IL7R: variants seen among roughly 807,000 people sequenced by gnomAD.
The protein encoded by IL7R is interleukin-7 receptor subunit alpha.
A neutral mutation model predicts 47.0 loss-of-function variants in IL7R; 38 were observed. That is an observed-to-expected ratio of 0.81 (90% CI 0.62 to 1.06). IL7R has a LOEUF of 1.06. Among genes scored for constraint, IL7R ranks in the 50% least tolerant of loss-of-function variants. The pLI, the probability that IL7R is intolerant of heterozygous loss-of-function variation, is 0.00. For missense variants in IL7R, 633 were observed against 534.8 expected (o/e 1.18, Z -1.81); for synonymous variants, 221 against 199.8 (o/e 1.11, Z -0.89).
chr5:35,873,549 A>G lies in IL7R; in HGVS notation c.607A>G (p.Ile203Val). ...RKLQPAAMYE[I>V]KVRSIPDHYF... ...GCTCCAACCGGCAGCAATGTATGAG[A>G]TTAAAGTTCGATCCATCCCTGATCA... is the stretch of plus-strand genomic sequence containing the variant. The change falls in exon 5 of 8, where the codon ATT becomes GTT. Residue 203 changes from isoleucine to valine, a missense_variant. By Grantham distance (29) the Ile-to-Val change is conservative (BLOSUM62 3). Transcript: ENST00000303115. The G allele has an allele frequency of 1.2e-6, 2 of 1,614,026 alleles. No homozygotes were observed. Among genetic ancestry groups the G allele is most frequent in the Non-Finnish European group, 1.7e-6 (2 of 1,179,928 alleles).
rs554638841 is a variant in IL7R at position 35,861,593 on chromosome 5, A to G, written c.221+603A>G. On this transcript the variant is annotated intron_variant, in intron 2 of 7. Coordinates refer to ENST00000303115, the MANE Select transcript of IL7R (RefSeq NM_002185.5). ...TTCTGTGAATATTGACCTAACTTCTACCATCTTGACACAATTTGACTTCAG... is the reference window on the plus strand; with the variant it reads ...TTCTGTGAATATTGACCTAACTTCTGCCATCTTGACACAATTTGACTTCAG... Among the ~76,000 whole-genome samples, 3 of 152,272 alleles carry G rather than the reference A, an allele frequency of 2.0e-5. No individual in the cohort carries two copies. In the East Asian group the frequency reaches 5.8e-4, roughly 29 times the overall value.
At chr5:35,866,316 G>T (rs1383961293) in intron 2 of IL7R, among the ~76,000 whole-genome samples, 3 of 152,038 alleles carry the variant, frequency 2.0e-5, no homozygotes, top group African/African-American at 7.2e-5. Flanking sequence ...ATTTTCTTGT[G>T]AAAGTTTGCT....
At position 35,876,809 on chromosome 5, in the gene IL7R, A is replaced by G; in HGVS notation, c.*323A>G. 2.5e-6 allele frequency: 1 copy of G among 401,218 alleles called. No individual in the cohort carries two copies. The highest frequency in any genetic ancestry group is 4.5e-6 in the Non-Finnish European group (1 of 221,712). The allele number at this position is 401,218 out of a possible 1,614,324, so 24.9% of individuals were successfully genotyped here. A position where few individuals can be genotyped will look rare whatever the true frequency, so the allele number is the denominator to read the frequency against. On this transcript the variant is annotated 3_prime_UTR_variant, in exon 8 of 8. Coordinates refer to ENST00000303115, the MANE Select transcript of IL7R (RefSeq NM_002185.5). ...TGAGGAGTGAGGAAGGCAGGAAGAGAGCATGAGAGGAAAGAAAGAAAGGAA... is the reference window on the plus strand; with the variant it reads ...TGAGGAGTGAGGAAGGCAGGAAGAGGGCATGAGAGGAAAGAAAGAAAGGAA...
At chr5:35,865,017 T>C (rs1314908929) in intron 2 of IL7R, among the ~76,000 whole-genome samples, 1 of 152,136 alleles carries the variant, frequency 6.6e-6, no homozygotes. Flanking sequence ...ACGTGTAGGT[T>C]TGTTACATAT....
intron 2 of IL7R, 42 bp downstream of exon 2, chr5:35,861,032 T>A (rs1332520587): frequency 6.3e-7 from 1 of 1,594,512 alleles, no homozygotes; most frequent in African/African-American, 1.3e-5. Context: ...ACATCCTCTG[T>A]CTCTCTTTTC....
At chr5:35,869,322 A>T (rs1760014402) in intron 3 of IL7R, among the ~76,000 whole-genome samples, 1 of 152,192 alleles carries the variant, frequency 6.6e-6, no homozygotes, top group Admixed American at 6.5e-5. Context: ...ACAAGAATCT[A>T]TTCCCTCTGA....
rs772594719 is a variant in IL7R at position 35,877,914 on chromosome 5, A to G, written c.*1428A>G. ...GGCTGTTCACAGAACCACAAAGGGC[A>G]GATGCTGCACAGAAAACTAGAGAAG... On this transcript the variant is annotated 3_prime_UTR_variant, in exon 8 of 8. Transcript: ENST00000303115. 7 of 233,172 alleles carry G rather than the reference A, an allele frequency of 3.0e-5. No homozygotes were observed. Among genetic ancestry groups the G allele is most frequent in the Non-Finnish European group, 5.1e-5 (6 of 118,076 alleles). 14.4% of individuals were successfully genotyped at this position (233,172 alleles called of 1,614,324 possible).
At position 35,876,086 on chromosome 5, in the gene IL7R, C is replaced by T. The variant is rs536561203; in HGVS notation, c.980C>T (p.Thr327Met). The T allele has an allele frequency of 1.1e-5, 17 of 1,614,188 alleles. No homozygotes were observed. The highest frequency in any genetic ancestry group is 2.2e-5 in the South Asian group (2 of 91,082). Residue 327 changes from threonine to methionine, a missense_variant, in exon 8 of 8, where the codon ACG becomes ATG. Physicochemically the swap from Thr to Met is moderately conservative, Grantham distance 81. Transcript: ENST00000303115. The part of the protein sequence containing the change: ...RDEVEGFLQD[T>M]FPQQLEESEK... ...GAAGTGGAAGGTTTTCTGCAAGATA[C>T]GTTTCCTCAGCAACTAGAAGAATCT...
At chr5:35,858,476 T>G (rs1219164656) in intron 1 of IL7R, among the ~76,000 whole-genome samples, 1 of 152,214 alleles carries the variant, frequency 6.6e-6, no homozygotes, top group Admixed American at 6.5e-5. Context: ...GGCTTGCCTA[T>G]GATACATATT....
Position 35,871,439 on chromosome 5 carries a change from G to A in IL7R, c.537+226G>A, listed in dbSNP as rs11567774. On this transcript the variant is annotated intron_variant, in intron 4 of 7. Coordinates refer to ENST00000303115, the MANE Select transcript of IL7R (RefSeq NM_002185.5). ...CTGCTCTAATTTTGGTCTTCAGAAT[G>A]TTTCTACATTAGTGAGTTGGATAAC... Among the ~76,000 whole-genome samples, 447 of 152,214 alleles carry A rather than the reference G, an allele frequency of 2.9e-3. 2 individuals carry two copies. The highest frequency in any genetic ancestry group is 5.1e-3 in the Non-Finnish European group (345 of 68,014).
chr5:35,862,829 T>C (rs1759851915), intron 2 of IL7R, among the ~76,000 whole-genome samples: 1 of 152,152 alleles, frequency 6.6e-6, no homozygotes, highest in Non-Finnish European at 1.5e-5. Context: ...TACTCAAGAA[T>C]TGAACTAAAA....
chr5:35,861,050 C>A, intron 2 of IL7R, 60 bp downstream of exon 2: 1 of 1,527,860 alleles, frequency 6.5e-7, no homozygotes, highest in Admixed American at 1.7e-5. Context: ...TTCATATGCT[C>A]TTTTTAATAG....
chr5:35,879,551 G>T lies in IL7R; in HGVS notation c.*3065G>T. On this transcript the variant is annotated 3_prime_UTR_variant, in exon 8 of 8. Transcript: ENST00000303115. ...TCGCAGAGCTGCTTAGTATATAAGCGTACAATGTATGTAATAACCATCTCA... is the reference window on the plus strand; with the variant it reads ...TCGCAGAGCTGCTTAGTATATAAGCTTACAATGTATGTAATAACCATCTCA... The T allele has an allele frequency of 4.4e-6, 1 of 226,568 alleles. No homozygotes were observed. Among genetic ancestry groups the T allele is most frequent in the Non-Finnish European group, 8.8e-6 (1 of 113,844 alleles). The allele number at this position is 226,568 out of a possible 1,614,324, so 14.0% of individuals were successfully genotyped here.
At chr5:35,861,048 C>T in intron 2 of IL7R, 58 bp downstream of exon 2, 2 of 1,545,272 alleles carry the variant, frequency 1.3e-6, no homozygotes, top group Non-Finnish European at 1.8e-6. Flanking sequence ...TTTTCATATG[C>T]TCTTTTTAAT....
Position 35,860,925 on chromosome 5 carries a change from G to A in IL7R, c.156G>A (p.Gln52=), listed in dbSNP as rs768814999. ...GCCAGTTGGAAGTGAATGGATCGCA[G>A]CACTCACTGACCTGTGCTTTTGAGG... The part of the protein sequence containing the change: ...CYSQLEVNGS[Q]HSLTCAFEDP... Residue 52 remains glutamine (Q), a synonymous_variant, in exon 2 of 8, where the codon CAG becomes CAA. Coordinates refer to ENST00000303115, the MANE Select transcript of IL7R (RefSeq NM_002185.5). 2.5e-6 allele frequency: 4 copies of A among 1,612,366 alleles called. No homozygotes were observed. Among genetic ancestry groups the A allele is most frequent in the African/African-American group, 1.3e-5 (1 of 74,866 alleles).
intron 2 of IL7R, among the ~76,000 whole-genome samples, chr5:35,863,450 T>C (rs530978819): frequency 6.6e-6 from 1 of 152,140 alleles, no homozygotes; most frequent in African/African-American, 2.4e-5. Context: ...TCGAAAGGAC[T>C]CATTTGAGCA....
At chr5:35,857,566 C>A (rs1759689022) in intron 1 of IL7R, among the ~76,000 whole-genome samples, 1 of 152,108 alleles carries the variant, frequency 6.6e-6, no homozygotes, top group Admixed American at 6.5e-5. Context: ...CATCCAATAA[C>A]TTTTGAAAGT....
At chr5:35,857,138 C>G in intron 1 of IL7R, 79 bp downstream of exon 1, 1 of 860,312 alleles carries the variant, frequency 1.2e-6, no homozygotes, top group Non-Finnish European at 2.0e-6. Context: ...CCTAACAGAC[C>G]TGAGTCAGGC....
rs1374760636 is a variant in IL7R, at chr5:35,856,990, G to A, written c.13G>A (p.Gly5Ser). MTIL[G>S]TTFGMVFSLL... The stretch of plus-strand genomic sequence containing the variant: ...TATCTCTCTCAGAATGACAATTCTA[G>A]GTACAACTTTTGGCATGGTTTTTTC... Residue 5 changes from glycine to serine, a missense_variant, in exon 1 of 8, where the codon GGT (glycine) becomes AGT (serine). Physicochemically the swap from Gly to Ser is moderately conservative, Grantham distance 56. Coordinates refer to ENST00000303115, the MANE Select transcript of IL7R (RefSeq NM_002185.5). The A allele has an allele frequency of 1.2e-6, 2 of 1,600,236 alleles. No individual in the cohort carries two copies. The highest frequency in any genetic ancestry group is 1.7e-6 in the Non-Finnish European group (2 of 1,168,614).
Sources: gnomAD v4.1 joint callset for allele counts (sites outside exome capture counted in the v4.1 genomes callset) on GRCh38, gnomAD v4.1.1 for gene constraint, MANE v1.5 for transcripts, NCBI Gene and HGNC (gene_info 2026-07-23, HGNC 2026-07-21) for gene names.